USP9X: variants seen among roughly 807,000 people sequenced by gnomAD.
USP9X encodes ubiquitin specific peptidase 9 X-linked, also known as ubiquitin carboxyl-terminal hydrolase 9X.
In USP9X, 7 loss-of-function variants were observed where a neutral mutation model predicts 190.3. The observed-to-expected ratio is 0.04, with a 90% CI of 0.02 to 0.07. The LOEUF is 0.07. Ranked by LOEUF, USP9X falls within the 10% of genes least tolerant of loss-of-function variation. USP9X has a pLI of 1.00. For missense variants in USP9X, 1,010 were observed against 1,916.9 expected (o/e 0.53, Z 8.83); for synonymous variants, 645 against 659.5 (o/e 0.98, Z 0.34).
rs1174542526 is a variant in USP9X at position 41,225,158 on chromosome X, T to G, written c.7061+21T>G. ...CACAGGTGGATACTCTTTTTGTGAC[T>G]GGAAACAATTAGGCTTGCCCAGGTG... On this transcript the variant is annotated intron_variant, in intron 41 of 44. Coordinates refer to ENST00000378308, the MANE Select transcript of USP9X (RefSeq NM_001039591.3). 3 of 1,187,391 alleles carry G rather than the reference T, an allele frequency of 2.5e-6. No homozygotes were observed. In the African/African-American group the frequency reaches 5.3e-5, roughly 21 times the overall value.
At chrX:41,181,527 CAGCCTGTGCCTTCTGGGTTCA>C (rs1283465495) in intron 21 of USP9X, among the ~76,000 whole-genome samples, 1 of 99,027 alleles carries the variant, frequency 1.0e-5, no homozygotes, top group African/African-American at 3.7e-5. Context: ...CTGCTTACTG[CAGCCTGTGCCTTCTGGGTTCA>C]AGTGATTCTC....
rs1246322474 is a variant in USP9X at position 41,168,498 on chromosome X, A to G, written c.2636+280A>G. 2.7e-5 allele frequency among the ~76,000 whole-genome samples: 3 copies of G among 111,377 alleles called. 1 individual carries two copies. The Admixed American group carries it at 2.9e-4, about 11-fold the overall frequency. On this transcript the variant is annotated intron_variant, in intron 18 of 44. Transcript: ENST00000378308. ...GTGTTGCAGTGGCATTTTGCAGTTGAAGTGTTTTTGTTTATTTGTTTATTT... is the reference window on the plus strand; with the variant it reads ...GTGTTGCAGTGGCATTTTGCAGTTGGAGTGTTTTTGTTTATTTGTTTATTT...
At chrX:41,109,433 G>A (rs2062093003) in intron 1 of USP9X, among the ~76,000 whole-genome samples, 1 of 112,072 alleles carries the variant, frequency 8.9e-6, no homozygotes, top group Admixed American at 9.5e-5. Context: ...ACAGATGCTC[G>A]ATATGGAGGA....
At position 41,233,806 on chromosome X, in the gene USP9X, C is replaced by T. The variant is rs992361950; in HGVS notation, c.*1282C>T. The T allele has an allele frequency of 8.9e-6, 1 of 112,113 alleles. No homozygotes were observed. Among genetic ancestry groups the T allele is most frequent in the Non-Finnish European group, 1.9e-5 (1 of 53,186 alleles). The allele number at this position is 112,113 out of a possible 1,213,427, so 9.2% of individuals were successfully genotyped here. ...AACATTTGATTAAAAATAAGGAAAT[C>T]CTCAGTTCATACTGTATTTAAAAGA... On this transcript the variant is annotated 3_prime_UTR_variant, in exon 45 of 45. Transcript: ENST00000378308.
chrX:41,183,573 C>G (rs1449429210), intron 21 of USP9X, among the ~76,000 whole-genome samples: 1 of 112,111 alleles, frequency 8.9e-6, no homozygotes, highest in Admixed American at 9.4e-5. Flanking sequence ...TTGGATATCA[C>G]TACATTCCTT....
chrX:41,225,442 G>A (rs935835003), intron 41 of USP9X, among the ~76,000 whole-genome samples: 1 of 111,996 alleles, frequency 8.9e-6, no homozygotes, highest in Admixed American at 9.5e-5. Context: ...AATGATGCCC[G>A]AGGATTATTT....
At chrX:41,182,256 T>C (rs750394946) in intron 21 of USP9X, among the ~76,000 whole-genome samples, 2 of 111,143 alleles carry the variant, frequency 1.8e-5, no homozygotes, top group Non-Finnish European at 3.8e-5. Flanking sequence ...ATGCCTGTGG[T>C]TCCCAACTAC....
intron 1 of USP9X, among the ~76,000 whole-genome samples, chrX:41,094,323 G>A (rs1388609108): frequency 1.8e-5 from 2 of 109,296 alleles, no homozygotes; most frequent in Non-Finnish European, 3.8e-5. Context: ...ATTACAGGTG[G>A]GTGCCACTAT....
intron 39 of USP9X, among the ~76,000 whole-genome samples, chrX:41,224,528 C>T (rs989008178): frequency 9.1e-6 from 1 of 110,400 alleles, no homozygotes; most frequent in Non-Finnish European, 1.9e-5. Flanking sequence ...CCCAGCTACT[C>T]GGAAGGCTGA....
intron 1 of USP9X, among the ~76,000 whole-genome samples, chrX:41,118,219 T>C (rs1271463090): frequency 9.0e-6 from 1 of 111,409 alleles, no homozygotes; most frequent in Non-Finnish European, 1.9e-5. Flanking sequence ...TGTGGGATGC[T>C]TACCATCATC....
Position 41,197,405 on chromosome X carries a change from G to T in USP9X, c.4275G>T (p.Thr1425=). 1 of 1,181,923 alleles carries T rather than the reference G, an allele frequency of 8.5e-7. No homozygotes were observed. Among genetic ancestry groups the T allele is most frequent in the Non-Finnish European group, 1.1e-6 (1 of 881,117 alleles). ...KRTGETGIEE[T]ILEGHLGVTK... is the part of the protein sequence containing the mutation. The stretch of plus-strand genomic sequence containing the variant: ...CAGGAGAAACGGGTATTGAAGAGAC[G>T]ATCTTAGAGGGCCACCTTGGAGTGA... Residue 1425 remains threonine (T), a synonymous_variant, in exon 29 of 45, where the codon ACG becomes ACT. Transcript: ENST00000378308.
chrX:41,156,284 G>T (rs955672986), intron 14 of USP9X, among the ~76,000 whole-genome samples: 1 of 112,023 alleles, frequency 8.9e-6, no homozygotes, highest in East Asian at 2.8e-4. Context: ...CAGCTTTCTT[G>T]TGTGGAAACT....
At chrX:41,180,635 T>C (rs1422462019) in intron 21 of USP9X, among the ~76,000 whole-genome samples, 1 of 112,220 alleles carries the variant, frequency 8.9e-6, no homozygotes, top group African/African-American at 3.2e-5. Flanking sequence ...TTATTAGAGC[T>C]TCCTTATCCT....
intron 33 of USP9X, 99 bp downstream of exon 33, chrX:41,210,781 C>A: frequency 2.5e-6 from 2 of 804,309 alleles, no homozygotes; most frequent in African/African-American, 2.1e-5. Context: ...TGGAGTATAT[C>A]ACTGATTACT....
intron 21 of USP9X, among the ~76,000 whole-genome samples, chrX:41,183,616 A>G (rs1274773491): frequency 9.0e-6 from 1 of 111,500 alleles, no homozygotes; most frequent in African/African-American, 3.3e-5. Flanking sequence ...ATATAGTGTC[A>G]GGGGGCAAAC....
At chrX:41,152,777 T>C (rs777412476) in intron 13 of USP9X, among the ~76,000 whole-genome samples, 171 bp from the exon 14 acceptor site, 18 of 101,848 alleles carry the variant, frequency 1.8e-4, no homozygotes, top group Admixed American at 1.5e-3. Context: ...AAATGTCTTA[T>C]CTTTTGAAGA....
chrX:41,227,569 A>T (rs959233347), intron 41 of USP9X, among the ~76,000 whole-genome samples: 2 of 112,371 alleles, frequency 1.8e-5, no homozygotes, highest in African/African-American at 6.5e-5. Flanking sequence ...GAATCTTTAA[A>T]TTCTCAGTGT....
chrX:41,207,807 T>G (rs995848741), intron 32 of USP9X, among the ~76,000 whole-genome samples: 1 of 110,485 alleles, frequency 9.1e-6, no homozygotes, highest in Admixed American at 9.7e-5. Context: ...CTCCCCTAAC[T>G]AGGCCCTCTA....
chrX:41,132,145 A>G (rs1475093243), intron 4 of USP9X, among the ~76,000 whole-genome samples: 2 of 110,583 alleles, frequency 1.8e-5, no homozygotes, highest in East Asian at 2.8e-4. Context: ...TCTCGCTTAC[A>G]TATTTGTAAG....
Sources: gnomAD v4.1 joint callset for allele counts (sites outside exome capture counted in the v4.1 genomes callset) on GRCh38, gnomAD v4.1.1 for gene constraint, MANE v1.5 for transcripts, NCBI Gene and HGNC (gene_info 2026-07-23, HGNC 2026-07-21) for gene names.